Variants in MYO1E observed in about 807,000 individuals in gnomAD.
The protein encoded by MYO1E is myosin IE, also known as unconventional myosin-Ie.
MYO1E carries 68 observed loss-of-function variants against 151.1 expected under a neutral mutation model. The ratio of observed to expected loss-of-function variants is 0.45; its 90% CI spans 0.37 to 0.55. MYO1E has a LOEUF of 0.55. Ranked by LOEUF, MYO1E falls within the 20% of genes least tolerant of loss-of-function variation. The pLI, the probability that MYO1E is intolerant of heterozygous loss-of-function variation, is 0.00. For missense variants in MYO1E, 1,363 were observed against 1,389.3 expected (o/e 0.98, Z 0.30); for synonymous variants, 601 against 501.7 (o/e 1.20, Z -2.64).
chr15:59,295,560 C>T (rs1156596620), intron 1 of MYO1E, among the ~76,000 whole-genome samples: 12 of 152,200 alleles, frequency 7.9e-5, no homozygotes, highest in African/African-American at 2.9e-4. Flanking sequence ...GTCTTCTTTC[C>T]AGAGGGAAAG....
At chr15:59,160,346 T>C (rs1246238952) in intron 24 of MYO1E, among the ~76,000 whole-genome samples, 3 of 139,960 alleles carry the variant, frequency 2.1e-5, no homozygotes, top group African/African-American at 9.5e-5. Context: ...CGTGTGTGTG[T>C]GTGTGTGTGT....
chr15:59,200,348 A>G (rs1361500077), intron 16 of MYO1E, among the ~76,000 whole-genome samples: 2 of 152,202 alleles, frequency 1.3e-5, no homozygotes, highest in African/African-American at 4.8e-5. Flanking sequence ...GCAGACATTA[A>G]TATCTGGGCC....
chr15:59,162,562 C>T (rs2079543528), intron 23 of MYO1E, among the ~76,000 whole-genome samples: 1 of 150,840 alleles, frequency 6.6e-6, no homozygotes. Context: ...AGGAGAATTG[C>T]TTGAACCTGG....
intron 1 of MYO1E, among the ~76,000 whole-genome samples, chr15:59,302,974 G>A (rs1421915550): frequency 6.6e-6 from 1 of 152,160 alleles, no homozygotes; most frequent in Non-Finnish European, 1.5e-5. Context: ...AGTGGAGAAA[G>A]GAAACTTTCA....
chr15:59,216,234 T>C (rs928594472), intron 10 of MYO1E, among the ~76,000 whole-genome samples: 30 of 152,038 alleles, frequency 2.0e-4, no homozygotes, highest in African/African-American at 7.2e-4. Context: ...GCTAGGAATC[T>C]AGGGCCTCCT....
intron 22 of MYO1E, among the ~76,000 whole-genome samples, chr15:59,171,502 G>A (rs1186133909): frequency 1.3e-5 from 2 of 152,182 alleles, no homozygotes; most frequent in African/African-American, 2.4e-5. Flanking sequence ...AGGACCCTCT[G>A]CTCAGGGAAA....
chr15:59,303,363 G>A (rs193125805), intron 1 of MYO1E, among the ~76,000 whole-genome samples: 115 of 152,088 alleles, frequency 7.6e-4, no homozygotes, highest in Non-Finnish European at 1.0e-3. Flanking sequence ...GCAGTGAGAC[G>A]GGATTGTGCC....
Position 59,224,730 on chromosome 15 carries a change from C to A in MYO1E, c.736G>T (p.Val246Phe), listed in dbSNP as rs754140127. Residue 246 changes from valine to phenylalanine, a missense_variant, in exon 8 of 28, where the codon GTT (valine) becomes TTT (phenylalanine). Transcript: ENST00000288235. ...YYLSLSGSYK[V>F]DDIDDRREFQ... ...TCCCGCCTGTCGTCAATGTCATCAA[C>A]CTTGTATGAGCCCGAGAGGCTCAGG... 1.2e-6 allele frequency: 2 copies of A among 1,614,240 alleles called. No homozygotes were observed. Among genetic ancestry groups the A allele is most frequent in the Non-Finnish European group, 1.7e-6 (2 of 1,180,046 alleles).
chr15:59,293,041 T>TG (rs1247771668), intron 1 of MYO1E, among the ~76,000 whole-genome samples: 2 of 152,096 alleles, frequency 1.3e-5, no homozygotes, highest in African/African-American at 2.4e-5. Flanking sequence ...CAGGGAGGCA[T>TG]GGGGGTACCA....
chr15:59,338,435 G>A (rs2080743506), intron 1 of MYO1E, among the ~76,000 whole-genome samples: 1 of 151,836 alleles, frequency 6.6e-6, no homozygotes, highest in African/African-American at 2.4e-5. Context: ...ATCCATGAAG[G>A]GATATCACCT....
chr15:59,304,513 A>T (rs1160450156), intron 1 of MYO1E, among the ~76,000 whole-genome samples: 1 of 152,252 alleles, frequency 6.6e-6, no homozygotes, highest in Non-Finnish European at 1.5e-5. Flanking sequence ...TACTAGAAAA[A>T]GGGGCTTTCT....
At chr15:59,182,633 G>GC (rs756944005) in intron 18 of MYO1E, among the ~76,000 whole-genome samples, 5 of 152,158 alleles carry the variant, frequency 3.3e-5, no homozygotes, top group Non-Finnish European at 7.4e-5. Context: ...GCTAAGGGAG[G>GC]CATCCAAGGA....
chr15:59,173,054 G>A (rs1226196225), intron 21 of MYO1E, among the ~76,000 whole-genome samples: 1 of 152,186 alleles, frequency 6.6e-6, no homozygotes, highest in Non-Finnish European at 1.5e-5. Flanking sequence ...TTTCTATTAG[G>A]ACCAAGACTT....
intron 26 of MYO1E, among the ~76,000 whole-genome samples, chr15:59,148,333 G>A (rs2079454400): frequency 6.6e-6 from 1 of 152,128 alleles, no homozygotes; most frequent in African/African-American, 2.4e-5. Flanking sequence ...CACTCTAAAT[G>A]CCACCTTTTG....
chr15:59,207,888 T>C lies in MYO1E; in HGVS notation c.1530+793A>G, dbSNP rs1248185899. On this transcript the variant is annotated intron_variant, in intron 14 of 27. Transcript: ENST00000288235. ...TAACAGAAAGTATTTTGAAGAATCTTAGGAGAATACATCCAGTTTCCACCA... is the reference window on the plus strand; with the variant it reads ...TAACAGAAAGTATTTTGAAGAATCTCAGGAGAATACATCCAGTTTCCACCA... 5 of 1,614,196 alleles carry C rather than the reference T, an allele frequency of 3.1e-6. No individual in the cohort carries two copies. The Admixed American group carries it at 5.0e-5, about 16-fold the overall frequency.
chr15:59,337,112 T>G (rs1426830402), intron 1 of MYO1E, among the ~76,000 whole-genome samples: 6 of 152,202 alleles, frequency 3.9e-5, no homozygotes, highest in African/African-American at 1.4e-4. Flanking sequence ...TACAAAGCAC[T>G]TCTACTTTAT....
chr15:59,137,407 G>A lies in MYO1E; in HGVS notation c.3300C>T (p.Phe1100=), dbSNP rs558349750. The A allele has an allele frequency of 2.5e-6, 4 of 1,614,014 alleles. No individual in the cohort carries two copies. Among genetic ancestry groups the A allele is most frequent in the East Asian group, 2.2e-5 (1 of 44,896 alleles). The stretch of plus-strand genomic sequence containing the variant: ...AGATCTTGGTCACATAGTTGTTGGG[G>A]AACAGGCCCTGCTTGCCTCGTAGTC... The part of the protein sequence containing the change: ...TGRLRGKQGL[F]PNNYVTKI The change falls in exon 28 of 28, where the codon TTC becomes TTT. Residue 1100 remains phenylalanine, a synonymous_variant. Transcript: ENST00000288235.
At chr15:59,158,210 G>T in intron 25 of MYO1E, 77 bp downstream of exon 25, 2 of 1,252,434 alleles carry the variant, frequency 1.6e-6, no homozygotes, top group Non-Finnish European at 2.3e-6. Flanking sequence ...TTTGCTAATG[G>T]GTTTCTTCCC....
chr15:59,215,475 A>G (rs184412961), intron 10 of MYO1E, among the ~76,000 whole-genome samples: 19 of 152,228 alleles, frequency 1.2e-4, no homozygotes, highest in Admixed American at 9.2e-4. Context: ...TGTGTTCTTA[A>G]TCACCGTGAG....
Sources: gnomAD v4.1 joint callset for allele counts (sites outside exome capture counted in the v4.1 genomes callset) on GRCh38, gnomAD v4.1.1 for gene constraint, MANE v1.5 for transcripts, NCBI Gene and HGNC (gene_info 2026-07-23, HGNC 2026-07-21) for gene names.